DNTT: variants seen among roughly 807,000 people sequenced by gnomAD.
DNTT encodes the protein DNA nucleotidylexotransferase.
Under a neutral mutation model 60.9 loss-of-function variants are expected in DNTT, and 47 were observed. The ratio of observed to expected loss-of-function variants is 0.77; its 90% CI spans 0.61 to 0.98. The LOEUF (loss-of-function observed/expected upper bound fraction) is 0.98. DNTT is among the 50% of genes least tolerant of loss of function. The pLI is 0.00. For synonymous variants in DNTT, 224 were observed against 221.2 expected (o/e 1.01, Z -0.11); for missense variants, 665 against 627.5 (o/e 1.06, Z -0.64).
intron 6 of DNTT, among the ~76,000 whole-genome samples, chr10:96,327,170 C>T (rs1475379401): frequency 1.3e-5 from 2 of 152,206 alleles, no homozygotes; most frequent in East Asian, 1.9e-4. Flanking sequence ...ATCAAGAAGG[C>T]TGGTTCTTCA....
At chr10:96,318,299 G>A (rs1844813939) in intron 1 of DNTT, 53 bp from the exon 2 acceptor site, 6 of 1,563,176 alleles carry the variant, frequency 3.8e-6, no homozygotes, top group Non-Finnish European at 8.7e-7. Context: ...AAAGAGGAGA[G>A]CTTCTGATTT....
At position 96,338,177 on chromosome 10, in the gene DNTT, G is replaced by A. The variant is rs1247903824; in HGVS notation, c.1483G>A (p.Ala495Thr). Residue 495 changes from alanine to threonine, a missense_variant, in exon 11 of 11, where the codon GCG becomes ACG. Physicochemically the swap from Ala to Thr is moderately conservative, Grantham distance 58. Transcript: ENST00000371174. ...AGCAGAAAGTGAAGAAGAAATTTTT[G>A]CGCATCTGGGATTGGATTATATTGA... is the stretch of plus-strand genomic sequence containing the variant. ...LKAESEEEIF[A>T]HLGLDYIEPW... 3 of 1,613,250 alleles carry A rather than the reference G, an allele frequency of 1.9e-6. No homozygotes were observed. The highest frequency in any genetic ancestry group is 4.5e-5 in the East Asian group (2 of 44,818).
chr10:96,328,597 CT>C, intron 7 of DNTT, 127 bp from the exon 8 acceptor site: 2 of 840,636 alleles, frequency 2.4e-6, no homozygotes, highest in Non-Finnish European at 3.6e-6. Context: ...TATTTTGTTT[CT>C]TAAAAAAAAG....
At chr10:96,325,754 C>G (rs1844932602) in intron 6 of DNTT, among the ~76,000 whole-genome samples, 1 of 152,166 alleles carries the variant, frequency 6.6e-6, no homozygotes, top group South Asian at 2.1e-4. Context: ...CCCCTTGGAG[C>G]AGCACTACAA....
intron 5 of DNTT, among the ~76,000 whole-genome samples, 166 bp from the exon 6 acceptor site, chr10:96,324,100 G>A (rs1482677808): frequency 6.6e-6 from 1 of 152,110 alleles, no homozygotes; most frequent in East Asian, 1.9e-4. Context: ...AATAAAAAAT[G>A]CCCTTAAAAA....
chr10:96,317,756 C>T (rs1844804344), intron 1 of DNTT, among the ~76,000 whole-genome samples: 1 of 152,150 alleles, frequency 6.6e-6, no homozygotes, highest in African/African-American at 2.4e-5. Context: ...ATCTGCCGAC[C>T]CCTTGATCAT....
chr10:96,327,444 T>C (rs1469001954), intron 6 of DNTT, 24 bp from the exon 7 acceptor site: 3 of 1,613,898 alleles, frequency 1.9e-6, no homozygotes, highest in Non-Finnish European at 2.5e-6. Flanking sequence ...ACTCTCTCCA[T>C]TGACCTGTCA....
chr10:96,314,402 C>CTTTTTTTTTTTT (rs869059822), intron 1 of DNTT, among the ~76,000 whole-genome samples: 2,265 of 53,110 alleles, frequency 0.043, 566 homozygotes, highest in Non-Finnish European at 0.06. Flanking sequence ...TATCTCTTCC[C>CTTTTTTTTTTTT]TTTTTTTTTT....
intron 9 of DNTT, 143 bp from the exon 10 acceptor site, chr10:96,335,748 C>T: frequency 1.2e-6 from 1 of 866,812 alleles, no homozygotes; most frequent in Non-Finnish European, 1.9e-6. Context: ...GGACTTCTGT[C>T]ACCAGAGAAT....
chr10:96,319,382 A>T lies in DNTT; in HGVS notation c.499A>T (p.Ile167Leu), dbSNP rs1260253001. 1 of 1,613,712 alleles carries T rather than the reference A, an allele frequency of 6.2e-7. No homozygotes were observed. The highest frequency in any genetic ancestry group is 1.7e-5 in the Admixed American group (1 of 60,018). Residue 167 changes from isoleucine to leucine, a missense_variant, in exon 3 of 11, where the codon ATA becomes TTA. By Grantham distance (5) the Ile-to-Leu change is conservative. Transcript: ENST00000371174. ...AACCACTTTAAACAACTGTAACCAG[A>T]TATTCACGGTAACGGGACTTTACAT... ...RRTTLNNCNQ[I>L]FTDAFDILAE...
chr10:96,328,785 T>G lies in DNTT; in HGVS notation c.1068T>G (p.Asp356Glu). 6.2e-7 allele frequency: 1 copy of G among 1,613,862 alleles called. No homozygotes were observed. The part of the protein sequence containing the change: ...FLITSPGSTE[D>E]EEQLLQKVMN... Reference sequence around the variant, plus strand: ...TTACCAGCCCAGGATCAACAGAGGATGAAGAGCAACTTTTACAGAAAGTGA... The same window carrying G: ...TTACCAGCCCAGGATCAACAGAGGAGGAAGAGCAACTTTTACAGAAAGTGA... The change falls in exon 8 of 11, where the codon GAT (aspartate) becomes GAG (glutamate). Residue 356 changes from aspartate to glutamate, a missense_variant. Coordinates refer to ENST00000371174, the MANE Select transcript of DNTT (RefSeq NM_004088.4).
chr10:96,328,973 C>T, intron 8 of DNTT, 143 bp downstream of exon 8: 1 of 800,360 alleles, frequency 1.2e-6, no homozygotes, highest in Non-Finnish European at 1.9e-6. Context: ...GCCATATGAC[C>T]TACAATAAGA....
At chr10:96,335,661 G>A (rs1156465207) in intron 9 of DNTT, among the ~76,000 whole-genome samples, 1 of 152,186 alleles carries the variant, frequency 6.6e-6, no homozygotes, top group Non-Finnish European at 1.5e-5. Context: ...CACTATTTGA[G>A]GGAATACAGT....
intron 4 of DNTT, among the ~76,000 whole-genome samples, chr10:96,321,145 C>T (rs900951096): frequency 2.0e-5 from 3 of 152,010 alleles, no homozygotes; most frequent in East Asian, 1.9e-4. Context: ...AGAAAGAATT[C>T]GACTGGGGGG....
At chr10:96,331,431 G>C (rs149839632) in intron 8 of DNTT, among the ~76,000 whole-genome samples, 1 of 152,184 alleles carries the variant, frequency 6.6e-6, no homozygotes, top group Admixed American at 6.5e-5. Flanking sequence ...CTTCTGGTGC[G>C]GCCTCAGGGG....
intron 1 of DNTT, 93 bp from the exon 2 acceptor site, chr10:96,318,259 C>A: frequency 7.0e-7 from 1 of 1,434,800 alleles, no homozygotes; most frequent in Non-Finnish European, 9.5e-7. Flanking sequence ...TGTCTTTCTC[C>A]ATCAGATGGA....
At chr10:96,305,418 G>C (rs1425372934) in intron 1 of DNTT, among the ~76,000 whole-genome samples, 1 of 152,176 alleles carries the variant, frequency 6.6e-6, no homozygotes, top group East Asian at 1.9e-4. Flanking sequence ...AATTATTCTT[G>C]TTGTTTTTCT....
chr10:96,335,643 A>G (rs984423471), intron 9 of DNTT, among the ~76,000 whole-genome samples: 7 of 152,240 alleles, frequency 4.6e-5, no homozygotes, highest in Non-Finnish European at 7.3e-5. Context: ...CATCTTCTAC[A>G]TGCGAGGCAC....
intron 8 of DNTT, among the ~76,000 whole-genome samples, chr10:96,330,932 G>A (rs1844999697): frequency 6.6e-6 from 1 of 152,076 alleles, no homozygotes; most frequent in African/African-American, 2.4e-5. Context: ...CATCCCAGTA[G>A]CTTGATGACA....
Sources: gnomAD v4.1 joint callset for allele counts (sites outside exome capture counted in the v4.1 genomes callset) on GRCh38, gnomAD v4.1.1 for gene constraint, MANE v1.5 for transcripts, NCBI Gene and HGNC (gene_info 2026-07-23, HGNC 2026-07-21) for gene names.